Variants in LTF observed in about 807,000 individuals in gnomAD.
The protein encoded by LTF is lactotransferrin.
Under a neutral mutation model 87.2 loss-of-function variants are expected in LTF, and 91 were observed. That is an observed-to-expected ratio of 1.04 (90% CI 0.88 to 1.24). LTF has a LOEUF of 1.24. LTF is among the 50% of genes most tolerant of loss of function. The probability of loss-of-function intolerance (pLI) is 0.00; values close to 1 mark genes in which losing one functional copy is unlikely to be tolerated. For missense variants in LTF, 901 were observed against 904.3 expected, an observed-to-expected ratio of 1.00 and a Z score of 0.05; for synonymous variants, 378 against 356.1, an observed-to-expected ratio of 1.06 and a Z score of -0.69.
chr3:46,445,923 A>T (rs1228476338), intron 11 of LTF, among the ~76,000 whole-genome samples: 2 of 152,188 alleles, frequency 1.3e-5, no homozygotes, highest in African/African-American at 2.4e-5. Flanking sequence ...CACTGGTTGA[A>T]CTCAACATGG....
chr3:46,438,371 C>G (rs1157502212), intron 15 of LTF, among the ~76,000 whole-genome samples: 1 of 152,184 alleles, frequency 6.6e-6, no homozygotes, highest in African/African-American at 2.4e-5. Flanking sequence ...CTACCATCTG[C>G]CATCTTTCCT....
intron 13 of LTF, chr3:46,441,991 GC>G (rs76907252): frequency 0.17 from 24,113 of 140,166 alleles, 2,573 homozygotes; most frequent in East Asian, 0.52. Flanking sequence ...GTGTGTGTAT[GC>G]ATGTTGTTAG....
intron 1 of LTF, among the ~76,000 whole-genome samples, chr3:46,470,868 A>G (rs1259325326): frequency 6.6e-6 from 1 of 152,204 alleles, no homozygotes; most frequent in African/African-American, 2.4e-5. Flanking sequence ...CCACCGTATG[A>G]GGTGGGTAGA....
Position 46,435,834 on chromosome 3 carries a change from C to G in LTF, c.*361G>C. On this transcript the variant is annotated 3_prime_UTR_variant, in exon 17 of 17. Transcript: ENST00000231751. ...AACCAACAAGATCCCCTTAGGAAAA[C>G]CGGTGCTTGGCCTGGCCTTAAATTC... 3.4e-6 allele frequency: 1 copy of G among 293,644 alleles called. No individual in the cohort carries two copies. Among genetic ancestry groups the G allele is most frequent in the South Asian group, 4.0e-5 (1 of 24,838 alleles). The allele number at this position is 293,644 out of a possible 1,614,324, so 18.2% of individuals were successfully genotyped here. A position where few individuals can be genotyped will look rare whatever the true frequency, so the allele number is the denominator to read the frequency against.
In LTF at chr3:46,445,289, C is replaced by T. The variant is rs1462341921; in HGVS notation, c.1505G>A (p.Cys502Tyr). Residue 502 changes from cysteine to tyrosine, a missense_variant, in exon 12 of 17, where the codon TGC becomes TAC. By Grantham distance (194) the Cys-to-Tyr change is radical. Coordinates refer to ENST00000231751, the MANE Select transcript of LTF (RefSeq NM_002343.6). ...MGLLFNQTGSCKFDEYFSQSC... is the reference protein window; with the variant it reads ...MGLLFNQTGSYKFDEYFSQSC... ...CCTTTGGAACTCCTTACCAAATTTG[C>T]AGGAGCCCGTCTGGTTGAAGAGCAG... The T allele has an allele frequency of 7.5e-6, 12 of 1,606,680 alleles. No homozygotes were observed. In the Admixed American group the frequency reaches 2.0e-4, roughly 27 times the overall value.
In LTF at chr3:46,439,376, G is replaced by C; in HGVS notation, c.1828C>G (p.Leu610Val). 1 of 1,614,230 alleles carries C rather than the reference G, an allele frequency of 6.2e-7. No homozygotes were observed. Among genetic ancestry groups the C allele is most frequent in the Non-Finnish European group, 8.5e-7 (1 of 1,180,034 alleles). Residue 610 changes from leucine to valine, a missense_variant, in exon 15 of 17, where the codon CTT (leucine) becomes GTT (valine). Transcript: ENST00000231751. ...KPVTEARSCH[L>V]AMAPNHAVVS... ...ACGGCATGATTCGGGGCCATGGCAA[G>C]ATGGCAGCTTCTAGCCTCAGTCACA... is the stretch of plus-strand genomic sequence containing the variant.
chr3:46,476,526 T>A (rs66826527), intron 1 of LTF, among the ~76,000 whole-genome samples: 10,792 of 152,298 alleles, frequency 0.071, 508 homozygotes, highest in South Asian at 0.16. Context: ...ATATTTGTCT[T>A]TTAAAAACAC....
intron 4 of LTF, 148 bp downstream of exon 4, chr3:46,455,648 T>C (rs1269400980): frequency 9.1e-7 from 1 of 1,102,320 alleles, no homozygotes; most frequent in Non-Finnish European, 1.3e-6. Context: ...GGGTAACGGA[T>C]CCTGCCAGCA....
At chr3:46,444,122 G>T (rs550730490) in intron 12 of LTF, among the ~76,000 whole-genome samples, 81 of 152,258 alleles carry the variant, frequency 5.3e-4, no homozygotes, top group African/African-American at 1.7e-3. Context: ...CATGCCTTTT[G>T]CCCTTTCTTC....
At chr3:46,446,616 G>A (rs969130438) in intron 10 of LTF, 123 bp from the exon 11 acceptor site, 4 of 738,394 alleles carry the variant, frequency 5.4e-6, no homozygotes, top group African/African-American at 3.5e-5. Context: ...TTCCATGCAG[G>A]AGAAATGCGT....
rs553502827 is a variant in LTF, at chr3:46,442,783, C to T, written c.1655+658G>A. ...ACGCCATCTGGTCGTGAAATGTACT[C>T]TTGGCAAATGGAGGAAAAGGAACAG... On this transcript the variant is annotated intron_variant, in intron 13 of 16. Transcript: ENST00000231751. Among the ~76,000 whole-genome samples, 23 of 152,242 alleles carry T rather than the reference C, an allele frequency of 1.5e-4. No homozygotes were observed. In the South Asian group the frequency reaches 4.6e-3, roughly 30 times the overall value.
At chr3:46,457,812 G>C (rs1425791611) in intron 2 of LTF, among the ~76,000 whole-genome samples, 1 of 151,910 alleles carries the variant, frequency 6.6e-6, no homozygotes, top group African/African-American at 2.4e-5. Flanking sequence ...TTTTCGAGCG[G>C]AGTCACCCAG....
chr3:46,447,436 G>A lies in LTF; in HGVS notation c.1213-38C>T, dbSNP rs754114999. 3 of 1,420,494 alleles carry A rather than the reference G, an allele frequency of 2.1e-6. No individual in the cohort carries two copies. The South Asian group carries it at 3.5e-5, about 16-fold the overall frequency. The allele number at this position is 1,420,494 out of a possible 1,614,324, so 88.0% of individuals were successfully genotyped here. A position where few individuals can be genotyped will look rare whatever the true frequency, so the allele number is the denominator to read the frequency against. On this transcript the variant is annotated intron_variant, in intron 9 of 16. Transcript: ENST00000231751. ...AGCAGATCTCCAGCACCACAGTGAG[G>A]CTGCATCCCGTCCTGCCTGTCTATA...
chr3:46,454,462 C>T (rs1702876778), intron 5 of LTF, 102 bp from the exon 6 acceptor site: 1 of 1,038,062 alleles, frequency 9.6e-7, no homozygotes, highest in South Asian at 1.3e-5. Flanking sequence ...GTTTCTACTC[C>T]CTGCAGGGCA....
chr3:46,450,061 TG>T, intron 7 of LTF, 33 bp from the exon 8 acceptor site: 1 of 1,511,064 alleles, frequency 6.6e-7, no homozygotes, highest in East Asian at 2.3e-5. Flanking sequence ...ATGGTGTCAA[TG>T]GTAAATAGGG....
Position 46,457,565 on chromosome 3 carries a change from G to A in LTF, c.208-1167C>T, listed in dbSNP as rs543842967. Among the ~76,000 whole-genome samples the A allele has an allele frequency of 9.8e-5, 15 of 152,318 alleles. 1 individual carries two copies. The highest frequency in any genetic ancestry group is 3.4e-3 in the Middle Eastern group (1 of 294). Reference sequence around the variant, plus strand: ...ATACCAATTCAGAATGGCGCTGACCGTGAGGACCAGCTTCACTCTTGAATC... The same window carrying A: ...ATACCAATTCAGAATGGCGCTGACCATGAGGACCAGCTTCACTCTTGAATC... On this transcript the variant is annotated intron_variant, in intron 2 of 16. Coordinates refer to ENST00000231751, the MANE Select transcript of LTF (RefSeq NM_002343.6).
At chr3:46,448,722 C>T (rs1282651849) in intron 9 of LTF, 141 bp downstream of exon 9, 4 of 941,784 alleles carry the variant, frequency 4.2e-6, no homozygotes, top group Non-Finnish European at 6.1e-6. Flanking sequence ...TGCTTTCTGG[C>T]CCTGAGCACA....
At chr3:46,446,961 G>A (rs1246377829) in intron 10 of LTF, among the ~76,000 whole-genome samples, 1 of 152,212 alleles carries the variant, frequency 6.6e-6, no homozygotes, top group Non-Finnish European at 1.5e-5. Context: ...GAGGACATAA[G>A]GGGCTTCTGA....
intron 10 of LTF, 150 bp downstream of exon 10, chr3:46,447,158 C>G: frequency 1.6e-6 from 1 of 638,788 alleles, no homozygotes; most frequent in Non-Finnish European, 2.8e-6. Context: ...GTGGGTAACA[C>G]GGCCCCTTTC....
Sources: gnomAD v4.1 joint callset for allele counts (sites outside exome capture counted in the v4.1 genomes callset) on GRCh38, gnomAD v4.1.1 for gene constraint, MANE v1.5 for transcripts, NCBI Gene and HGNC (gene_info 2026-07-23, HGNC 2026-07-21) for gene names.